Variants in UBE2D4 observed in about 807,000 individuals in gnomAD.
The protein encoded by UBE2D4 is ubiquitin-conjugating enzyme E2 D4.
Under a neutral mutation model 23.0 loss-of-function variants are expected in UBE2D4, and 17 were observed. The ratio of observed to expected loss-of-function variants is 0.74; its 90% CI spans 0.51 to 1.11. The LOEUF is 1.11. Among genes scored for constraint, UBE2D4 ranks in the 50% least tolerant of loss-of-function variants. The pLI is 0.00. For missense variants in UBE2D4, 139 were observed against 181.8 expected, an observed-to-expected ratio of 0.76 and a Z score of 1.35; for synonymous variants, 61 against 69.4, an observed-to-expected ratio of 0.88 and a Z score of 0.60.
At chr7:43,932,452 CA>C (rs2132754571) in intron 1 of UBE2D4, among the ~76,000 whole-genome samples, 2 of 152,300 alleles carry the variant, frequency 1.3e-5, no homozygotes, top group Admixed American at 6.5e-5. Context: ...TATATCAATA[CA>C]TATTTAACAC....
chr7:43,933,013 T>TAC lies in UBE2D4; in HGVS notation c.25-5410_25-5409dup, dbSNP rs1246837914. Among the ~76,000 whole-genome samples, 789 of 116,640 alleles carry TAC rather than the reference T, an allele frequency of 6.8e-3. 42 individuals carry two copies. The highest frequency in any genetic ancestry group is 0.012 in the African/African-American group (363 of 29,510). 76.5% of individuals were successfully genotyped at this position (116,640 alleles called of 152,430 possible). A position where few individuals can be genotyped will look rare whatever the true frequency, so the allele number is the denominator to read the frequency against. On this transcript the variant is annotated intron_variant, in intron 1 of 6. Coordinates refer to ENST00000222402, the MANE Select transcript of UBE2D4 (RefSeq NM_015983.4). Reference sequence around the variant, plus strand: ...ATATATATATATATATATATATATATACACACACATATATATACACATATG... The same window carrying TAC: ...ATATATATATATATATATATATATATACACACACACATATATATACACATATG...
At position 43,952,803 on chromosome 7, in the gene UBE2D4, C is replaced by T. The variant is rs577766932; in HGVS notation, c.*108C>T. 2 of 924,760 alleles carry T rather than the reference C, an allele frequency of 2.2e-6. No individual in the cohort carries two copies. Among genetic ancestry groups the T allele is most frequent in the East Asian group, 4.9e-5 (2 of 40,772 alleles). The allele number at this position is 924,760 out of a possible 1,614,324, so 57.3% of individuals were successfully genotyped here. ...AGCCATTCAAAGAGCATCATCTGTT[C>T]TTCAAACAAATGTTGGTCACCCACT... On this transcript the variant is annotated 3_prime_UTR_variant, in exon 7 of 7. Coordinates refer to ENST00000222402, the MANE Select transcript of UBE2D4 (RefSeq NM_015983.4).
chr7:43,931,695 T>TTTTATTTA (rs199991945), intron 1 of UBE2D4, among the ~76,000 whole-genome samples: 14 of 150,806 alleles, frequency 9.3e-5, no homozygotes, highest in East Asian at 2.0e-4. Flanking sequence ...TGCTCCACAC[T>TTTTATTTA]TTTATTTATT....
At chr7:43,931,624 G>T (rs1348871208) in intron 1 of UBE2D4, among the ~76,000 whole-genome samples, 2 of 141,950 alleles carry the variant, frequency 1.4e-5, no homozygotes, top group African/African-American at 5.0e-5. Flanking sequence ...GGGGCGGGGG[G>T]GGTGGCAGAG....
intron 2 of UBE2D4, chr7:43,941,904 A>C (rs993236386): frequency 6.6e-6 from 1 of 152,158 alleles, no homozygotes; most frequent in Non-Finnish European, 1.5e-5. Flanking sequence ...ATCTCTACAA[A>C]ACAATAACAA....
At chr7:43,926,724 C>T (rs1414957066) in intron 1 of UBE2D4, among the ~76,000 whole-genome samples, 168 bp downstream of exon 1, 1 of 151,866 alleles carries the variant, frequency 6.6e-6, no homozygotes, top group Non-Finnish European at 1.5e-5. Context: ...GCGAACGCAG[C>T]CTGAGAAAGG....
chr7:43,948,702 G>A lies in UBE2D4; in HGVS notation c.269G>A (p.Arg90Gln), dbSNP rs766962108. 32 of 1,613,544 alleles carry A rather than the reference G, an allele frequency of 2.0e-5. No homozygotes were observed. The highest frequency in any genetic ancestry group is 1.6e-4 in the Middle Eastern group (1 of 6,084). Residue 90 changes from arginine to glutamine, a missense_variant, in exon 5 of 7, where the codon CGG becomes CAG. Transcript: ENST00000222402. Reference sequence around the variant, plus strand: ...GGCAGCATCTGCCTTGATATCCTGCGGTCTCAGTGGTCTCCAGCGTTGACT... The same window carrying A: ...GGCAGCATCTGCCTTGATATCCTGCAGTCTCAGTGGTCTCCAGCGTTGACT... ...SNGSICLDIL[R>Q]SQWSPALTVS...
At chr7:43,951,127 G>A (rs2096001432) in intron 6 of UBE2D4, among the ~76,000 whole-genome samples, 1 of 152,204 alleles carries the variant, frequency 6.6e-6, no homozygotes, top group South Asian at 2.1e-4. Context: ...CAGTCAAGGT[G>A]GGAAACACTG....
intron 1 of UBE2D4, among the ~76,000 whole-genome samples, chr7:43,926,917 A>G (rs1022676018): frequency 5.2e-4 from 79 of 152,178 alleles, no homozygotes; most frequent in Non-Finnish European, 1.0e-3. Flanking sequence ...GATGAGTAGG[A>G]ACTCGGCAGG....
At position 43,934,196 on chromosome 7, in the gene UBE2D4, A is replaced by C. The variant is rs550783244; in HGVS notation, c.25-4235A>C. Among the ~76,000 whole-genome samples, 39 of 152,200 alleles carry C rather than the reference A, an allele frequency of 2.6e-4. 1 individual carries two copies. In the South Asian group the frequency reaches 7.9e-3, roughly 31 times the overall value. ...TACCACCTACCCTCAAGTTGGTGAG[A>C]CTGGGTCATTTTTTTTTTTCTGGAA... On this transcript the variant is annotated intron_variant, in intron 1 of 6. Transcript: ENST00000222402.
At chr7:43,938,050 C>T (rs1167102797) in intron 1 of UBE2D4, among the ~76,000 whole-genome samples, 3 of 152,098 alleles carry the variant, frequency 2.0e-5, no homozygotes, top group Non-Finnish European at 4.4e-5. Context: ...CTCTCCTGGG[C>T]TGCTTTTCTT....
intron 5 of UBE2D4, among the ~76,000 whole-genome samples, chr7:43,949,841 A>G (rs201962811): frequency 1.3e-5 from 2 of 151,360 alleles, no homozygotes; most frequent in East Asian, 3.9e-4. Flanking sequence ...AGTTAGAAGG[A>G]CCTGGTTCAG....
intron 5 of UBE2D4, 141 bp from the exon 6 acceptor site, chr7:43,950,458 G>T: frequency 1.5e-6 from 1 of 672,946 alleles, no homozygotes; most frequent in East Asian, 2.8e-5. Context: ...GGCAAGTGGT[G>T]CATCAAGCAA....
At chr7:43,931,886 G>C (rs888699714) in intron 1 of UBE2D4, among the ~76,000 whole-genome samples, 1 of 151,694 alleles carries the variant, frequency 6.6e-6, no homozygotes, top group African/African-American at 2.4e-5. Context: ...ACGGGGTTTT[G>C]CCATGTTGCC....
chr7:43,947,821 GCAT>G (rs2095991761), intron 4 of UBE2D4, among the ~76,000 whole-genome samples: 2 of 152,208 alleles, frequency 1.3e-5, no homozygotes, highest in South Asian at 4.1e-4. Flanking sequence ...CAGTGTAAAA[GCAT>G]TCCTATTTCT....
rs998417703 is a variant in UBE2D4 at position 43,944,158 on chromosome 7, G to A, written c.198+1127G>A. On this transcript the variant is annotated intron_variant, in intron 4 of 6. Coordinates refer to ENST00000222402, the MANE Select transcript of UBE2D4 (RefSeq NM_015983.4). The surrounding 1 kb of genome is among the most constrained non-coding windows in gnomAD (Gnocchi z 4.0). ...GTGGAGAAAAGGCTGGGGTTCAAGT[G>A]ATTCTCCTGCTTCAGCCTCCTGAGT... The A allele has an allele frequency of 6.6e-6, 1 of 152,290 alleles. No individual in the cohort carries two copies. Among genetic ancestry groups the A allele is most frequent in the Non-Finnish European group, 1.5e-5 (1 of 68,134 alleles). 9.4% of individuals were successfully genotyped at this position (152,290 alleles called of 1,614,324 possible).
At position 43,938,547 on chromosome 7, in the gene UBE2D4, C is replaced by A. The variant is rs543597337; in HGVS notation, c.88+53C>A. 38 of 1,572,786 alleles carry A rather than the reference C, an allele frequency of 2.4e-5. No individual in the cohort carries two copies. The East Asian group carries it at 8.1e-4, about 33-fold the overall frequency. ...TAGGAGCATTTTAATTAAGACCCCC[C>A]AACTTAGGCCAGGTGCGGTGGCTCA... On this transcript the variant is annotated intron_variant, in intron 2 of 6. Transcript: ENST00000222402.
intron 1 of UBE2D4, chr7:43,927,945 C>A: frequency 2.3e-6 from 1 of 427,500 alleles, no homozygotes; most frequent in South Asian, 1.8e-5. Flanking sequence ...TTTTGTGTTG[C>A]TATAAAGGAA....
intron 1 of UBE2D4, 91 bp downstream of exon 1, chr7:43,926,647 G>A: frequency 7.3e-7 from 1 of 1,372,968 alleles, no homozygotes. Flanking sequence ...AGGTGACGGA[G>A]GCTCCGCGAG....
Sources: gnomAD v4.1 joint callset for allele counts (sites outside exome capture counted in the v4.1 genomes callset) on GRCh38, gnomAD v4.1.1 for gene constraint, Gnocchi (gnomAD v3.1) non-coding constraint, MANE v1.5 for transcripts, NCBI Gene and HGNC (gene_info 2026-07-23, HGNC 2026-07-21) for gene names.